Variants in SYCP2L observed in about 807,000 individuals in gnomAD.
SYCP2L encodes synaptonemal complex protein 2 like.
A neutral mutation model predicts 125.8 loss-of-function variants in SYCP2L; 98 were observed. That is an observed-to-expected ratio of 0.78 (90% CI 0.66 to 0.92). The LOEUF is 0.92. Ranked by LOEUF, SYCP2L falls within the 40% of genes least tolerant of loss-of-function variation. The pLI is 0.00. For missense variants in SYCP2L, 842 were observed against 936.4 expected, an observed-to-expected ratio of 0.90 and a Z score of 1.32; for synonymous variants, 317 against 325.4, an observed-to-expected ratio of 0.97 and a Z score of 0.28.
chr6:10,929,792 A>T (rs75891739), intron 18 of SYCP2L, among the ~76,000 whole-genome samples: 1 of 151,942 alleles, frequency 6.6e-6, no homozygotes, highest in Non-Finnish European at 1.5e-5. Context: ...AAAAAAAAAA[A>T]TTAGCTGGGT....
Position 10,956,226 on chromosome 6 carries a change from G to A in SYCP2L, c.2147G>A (p.Arg716Gln), listed in dbSNP as rs778728640. The change falls in exon 25 of 30, where the codon CGG becomes CAG. Residue 716 changes from arginine (R) to glutamine (Q), a missense_variant. Coordinates refer to ENST00000283141, the MANE Select transcript of SYCP2L (RefSeq NM_001040274.3). ...ACCTTTGAAAACTTCACTAAAAAAC[G>A]GAAAAGAAAATATGAGGTAGTAGTC... ...LPTFENFTKK[R>Q]KRKYELRYRK... 159 of 1,612,910 alleles carry A rather than the reference G, an allele frequency of 9.9e-5. No individual in the cohort carries two copies. Among genetic ancestry groups the A allele is most frequent in the Non-Finnish European group, 1.2e-4 (142 of 1,179,540 alleles).
At chr6:10,904,234 C>T (rs183877138) in intron 8 of SYCP2L, among the ~76,000 whole-genome samples, 60 of 152,232 alleles carry the variant, frequency 3.9e-4, no homozygotes, top group East Asian at 7.7e-4. Flanking sequence ...GTCATTGTTG[C>T]GTAATTCTTG....
intron 1 of SYCP2L, among the ~76,000 whole-genome samples, chr6:10,888,503 G>T (rs1780120477): frequency 6.6e-6 from 1 of 152,198 alleles, no homozygotes; most frequent in South Asian, 2.1e-4. Context: ...ACCCACAAAA[G>T]CTGCCACATG....
chr6:10,904,306 G>T (rs956198850), intron 8 of SYCP2L, among the ~76,000 whole-genome samples: 1 of 152,154 alleles, frequency 6.6e-6, no homozygotes, highest in South Asian at 2.1e-4. Context: ...AACCAGCACC[G>T]TGTTTTGAAG....
intron 26 of SYCP2L, 89 bp from the exon 27 acceptor site, chr6:10,961,216 A>T (rs899042165): frequency 2.0e-6 from 2 of 1,021,124 alleles, no homozygotes; most frequent in Non-Finnish European, 3.0e-6. Flanking sequence ...AAGAGTCTGA[A>T]GTATCCTTGT....
At chr6:10,947,604 T>A (rs1403198986) in intron 23 of SYCP2L, among the ~76,000 whole-genome samples, 3 of 152,114 alleles carry the variant, frequency 2.0e-5, no homozygotes, top group African/African-American at 7.2e-5. Flanking sequence ...TAACCCTGTA[T>A]CTGGCAACCT....
At chr6:10,963,932 A>ATATGACAT in intron 29 of SYCP2L, 89 bp downstream of exon 29, 1 of 950,424 alleles carries the variant, frequency 1.1e-6, no homozygotes, top group Middle Eastern at 2.2e-4. Flanking sequence ...TGCTTTGTTC[A>ATATGACAT]TATGACATTT....
intron 4 of SYCP2L, among the ~76,000 whole-genome samples, chr6:10,896,007 G>A (rs765140697): frequency 2.6e-5 from 4 of 152,080 alleles, no homozygotes; most frequent in Non-Finnish European, 4.4e-5. Context: ...ACAAAAATTA[G>A]CTGGGCAGTG....
At position 10,910,840 on chromosome 6, in the gene SYCP2L, T is replaced by C; in HGVS notation, c.889T>C (p.Cys297Arg). 6.2e-7 allele frequency: 1 copy of C among 1,614,092 alleles called. No homozygotes were observed. The highest frequency in any genetic ancestry group is 1.1e-5 in the South Asian group (1 of 91,072). ...ATTTTGCAGGGTGTATTCATTTCCGTGTATTGCTGCTTTTGCTGATGAGCA... is the reference window on the plus strand; with the variant it reads ...ATTTTGCAGGGTGTATTCATTTCCGCGTATTGCTGCTTTTGCTGATGAGCA... ...GDQRRVYSFPCIAAFADEHEM... is the reference protein window; with the variant it reads ...GDQRRVYSFPRIAAFADEHEM... The change falls in exon 12 of 30, where the codon TGT (cysteine) becomes CGT (arginine). Residue 297 changes from cysteine (C) to arginine (R), a missense_variant. Physicochemically the swap from Cys to Arg is radical, Grantham distance 180. Coordinates refer to ENST00000283141, the MANE Select transcript of SYCP2L (RefSeq NM_001040274.3).
chr6:10,888,066 C>CTTTTTTTTT (rs70991066), intron 1 of SYCP2L, among the ~76,000 whole-genome samples: 2 of 74,316 alleles, frequency 2.7e-5, no homozygotes, highest in African/African-American at 5.3e-5. Flanking sequence ...GTGTTACCAT[C>CTTTTTTTTT]TTTTTTTTTT....
intron 19 of SYCP2L, among the ~76,000 whole-genome samples, chr6:10,931,051 G>T (rs1344660616): frequency 6.6e-6 from 1 of 152,090 alleles, no homozygotes; most frequent in Non-Finnish European, 1.5e-5. Flanking sequence ...TGCGCCTGTG[G>T]TCCCAGCTAC....
chr6:10,899,967 A>G (rs1046986959), intron 6 of SYCP2L, among the ~76,000 whole-genome samples: 4 of 152,222 alleles, frequency 2.6e-5, no homozygotes, highest in African/African-American at 7.2e-5. Flanking sequence ...ATTAATCCCA[A>G]CAATATGTAT....
chr6:10,941,859 A>G lies in SYCP2L; in HGVS notation c.1814-600A>G, dbSNP rs1452445935. Among the ~76,000 whole-genome samples, 7 of 152,280 alleles carry G rather than the reference A, an allele frequency of 4.6e-5. No individual in the cohort carries two copies. The South Asian group carries it at 1.2e-3, about 27-fold the overall frequency. Reference sequence around the variant, plus strand: ...GCTATAAAGACACATGCACAGGTATATTTATTGTGGCACTATTCACAATAG... The same window carrying G: ...GCTATAAAGACACATGCACAGGTATGTTTATTGTGGCACTATTCACAATAG... On this transcript the variant is annotated intron_variant, in intron 21 of 29. Transcript: ENST00000283141.
At chr6:10,905,619 C>T (rs1036922799) in intron 8 of SYCP2L, among the ~76,000 whole-genome samples, 3 of 152,164 alleles carry the variant, frequency 2.0e-5, no homozygotes, top group African/African-American at 7.2e-5. Context: ...TCAGATCAAG[C>T]AGCTCATAGG....
chr6:10,889,959 T>C (rs921788469), intron 1 of SYCP2L, among the ~76,000 whole-genome samples: 1 of 152,134 alleles, frequency 6.6e-6, no homozygotes, highest in Non-Finnish European at 1.5e-5. Flanking sequence ...ATCAAGAACA[T>C]GCAGTGTGTC....
intron 14 of SYCP2L, among the ~76,000 whole-genome samples, chr6:10,917,464 C>T (rs929783913): frequency 6.6e-5 from 10 of 152,208 alleles, no homozygotes; most frequent in Non-Finnish European, 1.2e-4. Flanking sequence ...AGAATAACTA[C>T]TCCTGCTCGC....
At position 10,887,147 on chromosome 6, in the gene SYCP2L, C is replaced by G. The variant is rs199588082; in HGVS notation, c.9+12C>G. ...TCGTTATGCAAGCGGTGAGTGACCC[C>G]CGAAGGGCCCGGACCTTCTGTCCAC... On this transcript the variant is annotated intron_variant, in intron 1 of 29. Coordinates refer to ENST00000283141, the MANE Select transcript of SYCP2L (RefSeq NM_001040274.3). The G allele has an allele frequency of 1.9e-6, 3 of 1,613,960 alleles. No homozygotes were observed. Among genetic ancestry groups the G allele is most frequent in the Non-Finnish European group, 2.5e-6 (3 of 1,179,978 alleles).
intron 21 of SYCP2L, among the ~76,000 whole-genome samples, chr6:10,941,956 A>G (rs1160340270): frequency 1.3e-5 from 2 of 151,994 alleles, no homozygotes; most frequent in South Asian, 2.1e-4. Flanking sequence ...CATATACACC[A>G]TGGAATACTA....
intron 29 of SYCP2L, among the ~76,000 whole-genome samples, chr6:10,967,124 C>G (rs1421085217): frequency 1.3e-5 from 2 of 151,816 alleles, no homozygotes; most frequent in Non-Finnish European, 1.5e-5. Context: ...TATGTATTAC[C>G]TAGAATCATA....
Sources: allele counts gnomAD v4.1 joint callset (sites outside exome capture counted in the v4.1 genomes callset), GRCh38; gene constraint gnomAD v4.1.1; transcripts MANE v1.5; gene names NCBI Gene and HGNC (gene_info 2026-07-23, HGNC 2026-07-21).